Variants in GART observed in about 807,000 individuals in gnomAD.
GART encodes trifunctional purine biosynthetic protein adenosine-3.
In GART, 43 loss-of-function variants were observed where a neutral mutation model predicts 107.2. The observed-to-expected ratio is 0.40, with a 90% confidence interval of 0.31 to 0.52. The LOEUF (loss-of-function observed/expected upper bound fraction) is 0.52. GART is among the 20% of genes least tolerant of loss of function. The pLI, the probability that GART is intolerant of heterozygous loss-of-function variation, is 0.52. For synonymous variants in GART, 434 were observed against 427.0 expected (o/e 1.02, Z -0.20); for missense variants, 1,107 against 1,206.5 (o/e 0.92, Z 1.22).
chr21:33,535,390 T>A (rs189996474), intron 2 of GART, 70 bp from the exon 3 acceptor site: 1 of 978,744 alleles, frequency 1.0e-6, no homozygotes, highest in East Asian at 2.7e-5. Flanking sequence ...AAACTAAGTG[T>A]CTCACTAAAA....
rs1241666861 is a variant in GART at position 33,517,133 on chromosome 21, G to GT, written c.1962dup (p.Leu655ThrfsTer42). The GT allele has an allele frequency of 6.2e-7, 1 of 1,605,966 alleles. No homozygotes were observed. Among genetic ancestry groups the GT allele is most frequent in the African/African-American group, 1.3e-5 (1 of 74,486 alleles). On this transcript the variant is annotated frameshift_variant, in exon 16 of 22. Transcript: ENST00000381815. LOFTEE classifies it high-confidence loss of function. Reference sequence around the variant, plus strand: ...CTGTAGATTCTGGTAGGCGTGAGAAGTAAGTCCCCTGCATGTTGAAGAGAG... The same window carrying GT: ...CTGTAGATTCTGGTAGGCGTGAGAAGTTAAGTCCCCTGCATGTTGAAGAGAG...
In GART at chr21:33,506,109, G is replaced by C. The variant is rs373008620; in HGVS notation, c.2453-5C>G. On this transcript the variant is annotated splice_region_variant and splice_polypyrimidine_tract_variant and intron_variant, in intron 18 of 21. Transcript: ENST00000381815. Reference sequence around the variant, plus strand: ...TAAGTGCTTGCAGGTTCGATCCTGAGAAGGGAGAAAAACAGCAGTGAGCTC... The same window carrying C: ...TAAGTGCTTGCAGGTTCGATCCTGACAAGGGAGAAAAACAGCAGTGAGCTC... The C allele has an allele frequency of 1.9e-6, 3 of 1,611,032 alleles. No homozygotes were observed. The highest frequency in any genetic ancestry group is 2.2e-5 in the South Asian group (2 of 90,540).
At position 33,504,019 on chromosome 21, in the gene GART, T is replaced by G; in HGVS notation, c.*105A>C. 1 of 1,026,448 alleles carries G rather than the reference T, an allele frequency of 9.7e-7. No homozygotes were observed. The highest frequency in any genetic ancestry group is 1.4e-6 in the Non-Finnish European group (1 of 717,378). 63.6% of individuals were successfully genotyped at this position (1,026,448 alleles called of 1,614,324 possible). A position where few individuals can be genotyped will look rare whatever the true frequency, so the allele number is the denominator to read the frequency against. Reference sequence around the variant, plus strand: ...GATGAAGTAAGGGTGAGGTCTTTTTTGTCTTTTAGCAGTTTTTCTTTTGGG... The same window carrying G: ...GATGAAGTAAGGGTGAGGTCTTTTTGGTCTTTTAGCAGTTTTTCTTTTGGG... On this transcript the variant is annotated 3_prime_UTR_variant, in exon 22 of 22. Coordinates refer to ENST00000381815, the MANE Select transcript of GART (RefSeq NM_000819.5).
Position 33,504,290 on chromosome 21 carries a change from A to C in GART, c.2867T>G (p.Ile956Ser). The change falls in exon 22 of 22, where the codon ATT becomes AGT. Residue 956 changes from isoleucine to serine, a missense_variant. Coordinates refer to ENST00000381815, the MANE Select transcript of GART (RefSeq NM_000819.5). ...CTTCACGGGAACAGCTTCTTGCAAA[A>C]TAATCTGTCCAGCATCCACATCTTC... is the stretch of plus-strand genomic sequence containing the variant. ...VAEDVDAGQI[I>S]LQEAVPVKRG... 1.2e-6 allele frequency: 2 copies of C among 1,614,194 alleles called. No homozygotes were observed. The highest frequency in any genetic ancestry group is 1.7e-6 in the Non-Finnish European group (2 of 1,180,034).
At chr21:33,521,845 A>G (rs893264489) in intron 12 of GART, among the ~76,000 whole-genome samples, 11 of 149,690 alleles carry the variant, frequency 7.3e-5, no homozygotes, top group African/African-American at 2.7e-4. Flanking sequence ...TATAATCCCA[A>G]TTACTTGGGA....
Position 33,528,249 on chromosome 21 carries a change from C to G in GART, c.984G>C (p.Trp328Cys), listed in dbSNP as rs763315769. 8.1e-6 allele frequency: 13 copies of G among 1,613,946 alleles called. No individual in the cohort carries two copies. The highest frequency in any genetic ancestry group is 2.2e-5 in the East Asian group (1 of 44,888). Residue 328 changes from tryptophan (W) to cysteine (C), a missense_variant, in exon 10 of 22, where the codon TGG becomes TGC. By Grantham distance (215) the Trp-to-Cys change is radical. Transcript: ENST00000381815. ...CAGTTAGGGCGGTGTGGTTTTCTAG[C>G]CAAACAGGCAGAGATGTGCAGAGCA... The part of the protein sequence containing the change: ...DGLLCTSLPV[W>C]LENHTALTVV...
chr21:33,539,274 T>C lies in GART; in HGVS notation c.42A>G (p.Glu14=). 2 of 1,614,148 alleles carry C rather than the reference T, an allele frequency of 1.2e-6. No homozygotes were observed. Among genetic ancestry groups the C allele is most frequent in the East Asian group, 4.5e-5 (2 of 44,876 alleles). ...GTGCAAGTTTCCAGGCCAGCGTATG[T>C]TCCCTTCCTCCACTGCCAATTATAA... ...RVLIIGSGGR[E]HTLAWKLAQS... The change falls in exon 2 of 22, where the codon GAA becomes GAG. Residue 14 remains glutamate (E), a synonymous_variant. Transcript: ENST00000381815.
intron 13 of GART, 68 bp from the exon 14 acceptor site, chr21:33,520,630 T>C (rs2084956132): frequency 2.2e-6 from 3 of 1,369,418 alleles, no homozygotes; most frequent in Admixed American, 3.9e-5. Context: ...TCCATTTGAT[T>C]AGCTGCTCTT....
rs939974353 is a variant in GART at position 33,528,404 on chromosome 21, T to C, written c.898-69A>G. 3.8e-6 allele frequency: 6 copies of C among 1,569,356 alleles called. No homozygotes were observed. The East Asian group carries it at 1.3e-4, about 35-fold the overall frequency. ...TTTCCTTAAACATTTTATTCACTGG[T>C]GTACTAGCAGAACTTGCATGAATTT... is the stretch of plus-strand genomic sequence containing the variant. On this transcript the variant is annotated intron_variant, in intron 9 of 21. Transcript: ENST00000381815.
rs1208003436 is a variant in GART at position 33,533,878 on chromosome 21, C to G, written c.416+701G>C. 2.6e-5 allele frequency among the ~76,000 whole-genome samples: 4 copies of G among 151,376 alleles called. No homozygotes were observed. In the South Asian group the frequency reaches 8.4e-4, roughly 32 times the overall value. Reference sequence around the variant, plus strand: ...CAAGATCACGCCACTGCACTCCAGCCTGGGTGACAGAGAGAGGCCCCGTCT... The same window carrying G: ...CAAGATCACGCCACTGCACTCCAGCGTGGGTGACAGAGAGAGGCCCCGTCT... On this transcript the variant is annotated intron_variant, in intron 4 of 21. Transcript: ENST00000381815.
upstream of GART, chr21:33,542,198 G>A (rs1049280859): frequency 1.3e-5 from 2 of 152,234 alleles, no homozygotes; most frequent in African/African-American, 4.8e-5. Context: ...ATTGGTCCGC[G>A]CGGCCCTGGG....
chr21:33,542,785 A>C (rs1226876883), upstream of GART: 1 of 442,420 alleles, frequency 2.3e-6, no homozygotes, highest in African/African-American at 2.0e-5. Flanking sequence ...GGGACTGACA[A>C]CTTATGCGGA....
rs1247588747 is a variant in GART, at chr21:33,535,290, G to A, written c.176C>T (p.Ala59Val). 3.5e-6 allele frequency: 5 copies of A among 1,424,886 alleles called. No homozygotes were observed. Among genetic ancestry groups the A allele is most frequent in the Non-Finnish European group, 4.7e-6 (5 of 1,061,270 alleles). 88.3% of individuals were successfully genotyped at this position (1,424,886 alleles called of 1,614,324 possible). Residue 59 changes from alanine (A) to valine (V), a missense_variant, in exon 3 of 22, where the codon GCT becomes GTT. Ala to Val is a moderately conservative substitution (Grantham distance 64). Transcript: ENST00000381815. Reference protein sequence around the residue: ...AISISDHTALAQFCKEKKIEF... With the variant: ...AISISDHTALVQFCKEKKIEF... ...AATTTTCTTCTCTTTGCAGAATTGAGCAAGGGCAGTGTGGTCACTGATTGA... is the reference window on the plus strand; with the variant it reads ...AATTTTCTTCTCTTTGCAGAATTGAACAAGGGCAGTGTGGTCACTGATTGA...
chr21:33,540,350 T>C (rs1335055521), intron 1 of GART, among the ~76,000 whole-genome samples: 2 of 152,234 alleles, frequency 1.3e-5, no homozygotes. Context: ...TACTATAATT[T>C]GAATTTCATA....
Position 33,520,406 on chromosome 21 carries a change from C to T in GART, c.1660G>A (p.Gly554Arg). 6.2e-7 allele frequency: 1 copy of T among 1,614,136 alleles called. No individual in the cohort carries two copies. The highest frequency in any genetic ancestry group is 8.5e-7 in the Non-Finnish European group (1 of 1,180,014). Reference protein sequence around the residue: ...DLSVTEAVVAGIAKACGKAGC... With the variant: ...DLSVTEAVVARIAKACGKAGC... ...GCTTTTCCACAAGCTTTAGCAATTC[C>T]AGCAACAACAGCTTCAGTTACACTG... is the stretch of plus-strand genomic sequence containing the variant. The change falls in exon 14 of 22, where the codon GGA (glycine) becomes AGA (arginine). Residue 554 changes from glycine to arginine, a missense_variant. Gly to Arg is a moderately radical substitution (Grantham distance 125). Coordinates refer to ENST00000381815, the MANE Select transcript of GART (RefSeq NM_000819.5).
chr21:33,523,042 G>A (rs1263974014), intron 11 of GART, among the ~76,000 whole-genome samples: 1 of 152,172 alleles, frequency 6.6e-6, no homozygotes, highest in Non-Finnish European at 1.5e-5. Context: ...GCAAAACCAG[G>A]TAAAGATACT....
chr21:33,526,189 G>C (rs1601206189), intron 10 of GART, among the ~76,000 whole-genome samples: 2 of 151,184 alleles, frequency 1.3e-5, no homozygotes, highest in East Asian at 3.9e-4. Context: ...TTCTTTTTGG[G>C]ACAGAGTCTT....
chr21:33,535,246 G>A lies in GART; in HGVS notation c.220C>T (p.Pro74Ser). 1 of 1,559,476 alleles carries A rather than the reference G, an allele frequency of 6.4e-7. No individual in the cohort carries two copies. The highest frequency in any genetic ancestry group is 8.7e-7 in the Non-Finnish European group (1 of 1,151,256). Residue 74 changes from proline (P) to serine (S), a missense_variant, in exon 3 of 22, where the codon CCA becomes TCA. Transcript: ENST00000381815. The part of the protein sequence containing the change: ...EKKIEFVVVG[P>S]EAPLAAGIVG... ...TTACCAGCAGCCAGAGGTGCTTCTG[G>A]TCCAACAACTACAAATTCAATTTTC... is the stretch of plus-strand genomic sequence containing the variant.
rs1179724984 is a variant in GART, at chr21:33,506,073, A to G, written c.2484T>C (p.Thr828=). The change falls in exon 19 of 22, where the codon ACT becomes ACC. Residue 828 remains threonine (T), a synonymous_variant. Transcript: ENST00000381815. ...TTTGTGCAGAGCTATTTGGTTCCCG[A>G]GTACTGTCTATAAGTGCTTGCAGGT... ...GSNLQALIDS[T]REPNSSAQID... is the part of the protein sequence containing the mutation. The G allele has an allele frequency of 6.2e-6, 10 of 1,614,072 alleles. No individual in the cohort carries two copies. The highest frequency in any genetic ancestry group is 8.5e-6 in the Non-Finnish European group (10 of 1,180,000).
Sources: allele counts gnomAD v4.1 joint callset (sites outside exome capture counted in the v4.1 genomes callset), GRCh38; gene constraint gnomAD v4.1.1; transcripts MANE v1.5; gene names NCBI Gene and HGNC (gene_info 2026-07-23, HGNC 2026-07-21).